FGF12: variants seen among roughly 807,000 people sequenced by gnomAD.
The protein encoded by FGF12 is fibroblast growth factor 12, also known as fibroblast growth factor 12B.
Under a neutral mutation model 23.6 loss-of-function variants are expected in FGF12, and 14 were observed. The ratio of observed to expected loss-of-function variants is 0.59; its 90% confidence interval spans 0.39 to 0.93. The LOEUF (loss-of-function observed/expected upper bound fraction) is 0.93, where lower values mean the gene tolerates loss of function less well. Among genes scored for constraint, FGF12 ranks in the 40% least tolerant of loss-of-function variants. FGF12 has a pLI of 0.00. For synonymous variants in FGF12, 62 were observed against 77.3 expected (o/e 0.80, Z 1.04); for missense variants, 175 against 217.8 (o/e 0.80, Z 1.24).
intron 4 of FGF12, among the ~76,000 whole-genome samples, chr3:192,307,660 G>T (rs1217909887): frequency 6.6e-6 from 1 of 152,214 alleles, no homozygotes; most frequent in African/African-American, 2.4e-5. Flanking sequence ...AGAGTTTGCT[G>T]AGAAGCTGAT....
intron 2 of FGF12, among the ~76,000 whole-genome samples, chr3:192,513,247 G>T (rs994407053): frequency 2.6e-5 from 4 of 151,980 alleles, no homozygotes; most frequent in African/African-American, 4.8e-5. Context: ...ATCAAAACAC[G>T]AAACTTTAAC....
intron 2 of FGF12, among the ~76,000 whole-genome samples, chr3:192,366,508 T>C (rs1319664249): frequency 6.6e-6 from 1 of 152,182 alleles, no homozygotes; most frequent in Admixed American, 6.5e-5. Flanking sequence ...TCTGATACTT[T>C]TACTGTTGTT....
chr3:192,353,099 A>G (rs1267156415), intron 3 of FGF12, among the ~76,000 whole-genome samples: 1 of 152,180 alleles, frequency 6.6e-6, no homozygotes, highest in African/African-American at 2.4e-5. Flanking sequence ...TACTATCTGA[A>G]TTTGTATAAA....
intron 4 of FGF12, among the ~76,000 whole-genome samples, chr3:192,197,770 C>T (rs1229809726): frequency 6.6e-6 from 1 of 151,940 alleles, no homozygotes; most frequent in Non-Finnish European, 1.5e-5. Context: ...CATGAAGAAA[C>T]CCCGTCTCTT....
intron 2 of FGF12, among the ~76,000 whole-genome samples, chr3:192,534,515 C>T (rs1725179414): frequency 6.6e-6 from 1 of 152,096 alleles, no homozygotes; most frequent in Admixed American, 6.6e-5. Context: ...CGTGTCTCAG[C>T]CTCCCAAGTA....
chr3:192,160,951 A>G (rs1714834942), intron 5 of FGF12, among the ~76,000 whole-genome samples: 1 of 152,126 alleles, frequency 6.6e-6, no homozygotes, highest in African/African-American at 2.4e-5. Flanking sequence ...GGTAGACAAT[A>G]TTTATCAAGC....
intron 2 of FGF12, among the ~76,000 whole-genome samples, chr3:192,447,735 A>G (rs1722401945): frequency 6.6e-6 from 1 of 152,184 alleles, no homozygotes; most frequent in African/African-American, 2.4e-5. Context: ...ATTTTTAAAA[A>G]CTTAAGTTTT....
intron 4 of FGF12, among the ~76,000 whole-genome samples, chr3:192,304,263 A>T (rs1167216767): frequency 1.3e-5 from 2 of 152,264 alleles, no homozygotes; most frequent in Non-Finnish European, 2.9e-5. Flanking sequence ...ACATTCATGC[A>T]TGCTAGAGAT....
At chr3:192,564,279 G>A (rs1020096996) in intron 2 of FGF12, among the ~76,000 whole-genome samples, 4 of 152,084 alleles carry the variant, frequency 2.6e-5, no homozygotes, top group African/African-American at 9.7e-5. Flanking sequence ...GAGCAGGCTG[G>A]TCTTGAACTC....
intron 2 of FGF12, among the ~76,000 whole-genome samples, chr3:192,510,324 GA>G (rs1421099518): frequency 6.6e-6 from 1 of 152,170 alleles, no homozygotes; most frequent in Non-Finnish European, 1.5e-5. Flanking sequence ...AAGACATTAA[GA>G]GACACCTCAA....
chr3:192,612,731 C>T (rs1382959474), intron 2 of FGF12, among the ~76,000 whole-genome samples: 1 of 151,934 alleles, frequency 6.6e-6, no homozygotes, highest in African/African-American at 2.4e-5. Flanking sequence ...ACCAACTCTT[C>T]TAAGCTGAAC....
intron 2 of FGF12, among the ~76,000 whole-genome samples, chr3:192,489,935 T>C (rs913518915): frequency 4.6e-5 from 7 of 152,122 alleles, no homozygotes; most frequent in African/African-American, 1.7e-4. Flanking sequence ...CCATGACACA[T>C]GTTTATCTAT....
chr3:192,193,776 T>A (rs914125392), intron 4 of FGF12, among the ~76,000 whole-genome samples: 1 of 152,086 alleles, frequency 6.6e-6, no homozygotes. Context: ...CTTTTTTTTT[T>A]AAGGATATTT....
At chr3:192,567,749 CTTTCTT>C (rs1405336102) in intron 2 of FGF12, among the ~76,000 whole-genome samples, 2 of 122,232 alleles carry the variant, frequency 1.6e-5, no homozygotes, top group Non-Finnish European at 3.6e-5. Flanking sequence ...TTCTTTCTTT[CTTTCTT>C]TCTTTCTTTC....
intron 4 of FGF12, among the ~76,000 whole-genome samples, chr3:192,328,696 G>A (rs537569413): frequency 6.6e-6 from 1 of 152,300 alleles, no homozygotes; most frequent in South Asian, 2.1e-4. Context: ...TGCAGTTGGT[G>A]CCAGAAGTGA....
chr3:192,302,124 A>G (rs964542295), intron 4 of FGF12, among the ~76,000 whole-genome samples: 1 of 152,194 alleles, frequency 6.6e-6, no homozygotes, highest in Non-Finnish European at 1.5e-5. Context: ...ACAGGGAGAA[A>G]AAAATCTAAC....
At chr3:192,158,334 CTT>C (rs1223212203) in intron 5 of FGF12, among the ~76,000 whole-genome samples, 121 of 52,806 alleles carry the variant, frequency 2.3e-3, no homozygotes, top group Non-Finnish European at 5.0e-3. Context: ...CTTTCTTTCT[CTT>C]TCTTTCTTTC....
intron 2 of FGF12, among the ~76,000 whole-genome samples, chr3:192,626,610 T>A (rs987238565): frequency 6.6e-6 from 1 of 152,130 alleles, no homozygotes; most frequent in Non-Finnish European, 1.5e-5. Flanking sequence ...CCAATTTGTT[T>A]GTTTGTTGTT....
rs551074696 is a variant in FGF12 at position 192,322,932 on chromosome 3, G to A, written c.228+12429C>T. Among the ~76,000 whole-genome samples the A allele has an allele frequency of 1.1e-4, 17 of 152,244 alleles. No individual in the cohort carries two copies. The South Asian group carries it at 2.7e-3, about 24-fold the overall frequency. On this transcript the variant is annotated intron_variant, in intron 4 of 5. Transcript: ENST00000445105. ...AAAAGATCTGAGTAGGCATTTCTCA[G>A]AAGAAGACTTACAAATGGCAGACAG...
Sources: allele counts gnomAD v4.1 joint callset (sites outside exome capture counted in the v4.1 genomes callset), GRCh38; gene constraint gnomAD v4.1.1; transcripts MANE v1.5; gene names NCBI Gene and HGNC (gene_info 2026-07-23, HGNC 2026-07-21).